RAB38: variants seen among roughly 807,000 people sequenced by gnomAD.
RAB38 encodes RAB38, member RAS oncogene family.
RAB38 carries 15 observed loss-of-function variants against 18.4 expected under a neutral mutation model. The ratio of observed to expected loss-of-function variants is 0.82; its 90% CI spans 0.55 to 1.26. The LOEUF (loss-of-function observed/expected upper bound fraction) is 1.26. RAB38 is among the 50% of genes most tolerant of loss of function. RAB38 has a pLI of 0.00. For missense variants in RAB38, 294 were observed against 267.4 expected (o/e 1.10, Z -0.69); for synonymous variants, 101 against 104.4 (o/e 0.97, Z 0.20).
intron 2 of RAB38, among the ~76,000 whole-genome samples, chr11:88,121,172 T>C (rs1473994322): frequency 1.3e-5 from 2 of 152,182 alleles, no homozygotes; most frequent in Non-Finnish European, 2.9e-5. Flanking sequence ...CCCACCTCCA[T>C]TGACACCACT....
the RAB38 span, among the ~76,000 whole-genome samples, chr11:87,968,700 C>G: frequency 1.3e-5 from 2 of 152,120 alleles, no homozygotes; most frequent in African/African-American, 4.8e-5. Flanking sequence ...AAGCAGTGTG[C>G]TCAGTTATGT....
the RAB38 span, among the ~76,000 whole-genome samples, chr11:87,894,644 T>C: frequency 1.3e-5 from 2 of 151,362 alleles, no homozygotes; most frequent in African/African-American, 4.8e-5. Context: ...TTTGAGACAA[T>C]AGAATTGAAA....
chr11:88,042,831 A>C, the RAB38 span, among the ~76,000 whole-genome samples: 3 of 152,218 alleles, frequency 2.0e-5, no homozygotes, highest in African/African-American at 7.2e-5. Flanking sequence ...CCCAGGGCTC[A>C]AGGCTTATTC....
the RAB38 span, among the ~76,000 whole-genome samples, chr11:87,905,202 T>C: frequency 1.3e-5 from 2 of 151,740 alleles, no homozygotes; most frequent in Non-Finnish European, 2.9e-5. Flanking sequence ...ATTTTCAATA[T>C]AAAAATTTTC....
At chr11:88,051,239 A>T in the RAB38 span, among the ~76,000 whole-genome samples, 1 of 152,074 alleles carries the variant, frequency 6.6e-6, no homozygotes, top group Non-Finnish European at 1.5e-5. Flanking sequence ...GGGCCTAAAA[A>T]GTGATCCCCA....
At chr11:88,069,519 T>A in the RAB38 span, among the ~76,000 whole-genome samples, 1 of 152,010 alleles carries the variant, frequency 6.6e-6, no homozygotes, top group Admixed American at 6.5e-5. Flanking sequence ...CTGAGTGGGG[T>A]GGGGATTTGG....
chr11:87,825,402 A>G, the RAB38 span, among the ~76,000 whole-genome samples: 1 of 152,060 alleles, frequency 6.6e-6, no homozygotes, highest in East Asian at 1.9e-4. Flanking sequence ...TGGAGGTGGG[A>G]AGTCCTTAAG....
chr11:87,899,475 A>C, the RAB38 span, among the ~76,000 whole-genome samples: 227 of 151,792 alleles, frequency 1.5e-3, no homozygotes, highest in African/African-American at 5.1e-3. Context: ...GTACTTTTTA[A>C]ATGTAAGCTA....
At chr11:87,909,581 A>G in the RAB38 span, among the ~76,000 whole-genome samples, 20 of 152,074 alleles carry the variant, frequency 1.3e-4, no homozygotes, top group Non-Finnish European at 2.5e-4. Flanking sequence ...ATCAAAATCA[A>G]TATAATAAAC....
the RAB38 span, among the ~76,000 whole-genome samples, chr11:87,871,549 T>G: frequency 2.0e-5 from 3 of 151,620 alleles, no homozygotes; most frequent in African/African-American, 4.8e-5. Flanking sequence ...AGCTTGCATA[T>G]TTTAAAGTAT....
At chr11:88,109,563 C>G (rs1167944052), downstream of RAB38, among the ~76,000 whole-genome samples, 2 of 152,142 alleles carry the variant, frequency 1.3e-5, no homozygotes, top group African/African-American at 4.8e-5. Context: ...GCAAAAGAAA[C>G]TATCATCAGA....
chr11:88,065,182 G>A, the RAB38 span, among the ~76,000 whole-genome samples: 1 of 152,290 alleles, frequency 6.6e-6, no homozygotes, highest in Non-Finnish European at 1.5e-5. Context: ...TGACACTCAG[G>A]TGCAGGTTTG....
chr11:87,831,342 C>T, the RAB38 span, among the ~76,000 whole-genome samples: 16 of 152,086 alleles, frequency 1.1e-4, no homozygotes, highest in African/African-American at 3.9e-4. Context: ...ATGCTTAGCC[C>T]CATGTCTGTC....
At chr11:88,114,547 G>A (rs1366532081) in intron 2 of RAB38, among the ~76,000 whole-genome samples, 2 of 152,138 alleles carry the variant, frequency 1.3e-5, no homozygotes, top group Non-Finnish European at 2.9e-5. Flanking sequence ...AGAATGATAA[G>A]ACATCTTTTA....
chr11:87,905,810 A>G, the RAB38 span, among the ~76,000 whole-genome samples: 8 of 151,950 alleles, frequency 5.3e-5, no homozygotes, highest in African/African-American at 1.9e-4. Context: ...GTAGGAAGCA[A>G]TCTAGAGCTC....
the RAB38 span, among the ~76,000 whole-genome samples, chr11:88,078,234 C>T: frequency 2.0e-5 from 3 of 151,920 alleles, no homozygotes; most frequent in Admixed American, 1.3e-4. Context: ...ATTAGTACAG[C>T]AACTAACGGA....
the RAB38 span, among the ~76,000 whole-genome samples, chr11:88,053,151 TATATATATACACAC>T: frequency 9.2e-6 from 1 of 108,956 alleles, no homozygotes; most frequent in South Asian, 2.7e-4. Flanking sequence ...ATATATGGAA[TATATATATACACAC>T]ATATATATGG....
At chr11:88,015,289 A>C in the RAB38 span, among the ~76,000 whole-genome samples, 3 of 152,300 alleles carry the variant, frequency 2.0e-5, no homozygotes, top group Non-Finnish European at 2.9e-5. Flanking sequence ...GCAGTCTTAC[A>C]GGTGGAGACT....
chr11:87,882,108 G>A, the RAB38 span, among the ~76,000 whole-genome samples: 1 of 151,722 alleles, frequency 6.6e-6, no homozygotes, highest in African/African-American at 2.4e-5. Flanking sequence ...AAATATCCTT[G>A]GTTTTCTAAT....
Sources: gnomAD v4.1 joint callset for allele counts (sites outside exome capture counted in the v4.1 genomes callset) on GRCh38, gnomAD v4.1.1 for gene constraint, MANE v1.5 for transcripts, NCBI Gene and HGNC (gene_info 2026-07-23, HGNC 2026-07-21) for gene names.